Variants in DTWD2 observed in about 807,000 individuals in gnomAD.
DTWD2 encodes DTW motif tRNA-uridine aminocarboxypropyltransferase 2, also known as tRNA-uridine aminocarboxypropyltransferase 2.
In DTWD2, 39 loss-of-function variants were observed where a neutral mutation model predicts 31.8. The observed-to-expected ratio is 1.22, with a 90% CI of 0.95 to 1.60. The LOEUF is 1.60. Among genes scored for constraint, DTWD2 ranks in the 40% most tolerant of loss-of-function variants. DTWD2 has a pLI of 0.00. For missense variants in DTWD2, 515 were observed against 381.5 expected, an observed-to-expected ratio of 1.35 and a Z score of -2.92; for synonymous variants, 180 against 142.8, an observed-to-expected ratio of 1.26 and a Z score of -1.86.
chr5:118,929,588 G>C (rs1429258390), intron 3 of DTWD2, among the ~76,000 whole-genome samples: 1 of 151,450 alleles, frequency 6.6e-6, no homozygotes, highest in African/African-American at 2.4e-5. Flanking sequence ...TTCACAAATT[G>C]TTCATTGCTC....
intron 4 of DTWD2, among the ~76,000 whole-genome samples, chr5:118,891,824 T>C (rs1039802932): frequency 6.6e-6 from 1 of 152,174 alleles, no homozygotes; most frequent in African/African-American, 2.4e-5. Context: ...AAGAAACTAC[T>C]AGTGACTGAA....
Position 118,964,883 on chromosome 5 carries a change from A to G in DTWD2, c.219-20234T>C, listed in dbSNP as rs373884923. Among the ~76,000 whole-genome samples the G allele has an allele frequency of 4.0e-5, 6 of 151,880 alleles. No homozygotes were observed. The East Asian group carries it at 9.8e-4, about 25-fold the overall frequency. Reference sequence around the variant, plus strand: ...CCACCCCGTCTGGGAAGTGAGGAGCATCTCTGCCTGGCCGCCCATCGTCTG... The same window carrying G: ...CCACCCCGTCTGGGAAGTGAGGAGCGTCTCTGCCTGGCCGCCCATCGTCTG... On this transcript the variant is annotated intron_variant, in intron 1 of 5. Transcript: ENST00000510708.
chr5:118,885,938 C>A (rs1301788474), intron 4 of DTWD2, among the ~76,000 whole-genome samples: 1 of 152,032 alleles, frequency 6.6e-6, no homozygotes, highest in Non-Finnish European at 1.5e-5. Flanking sequence ...ACACCCCAGC[C>A]TAGGTAACAG....
At chr5:118,917,203 C>T (rs1753597492) in intron 4 of DTWD2, among the ~76,000 whole-genome samples, 1 of 152,138 alleles carries the variant, frequency 6.6e-6, no homozygotes, top group Non-Finnish European at 1.5e-5. Context: ...TATTACCAGA[C>T]AATGACAGTG....
At chr5:118,969,993 C>T (rs898767017) in intron 1 of DTWD2, among the ~76,000 whole-genome samples, 2 of 152,092 alleles carry the variant, frequency 1.3e-5, no homozygotes, top group African/African-American at 4.8e-5. Flanking sequence ...ACATAAATGA[C>T]CTGATGGAGC....
intron 2 of DTWD2, among the ~76,000 whole-genome samples, chr5:118,941,653 C>G (rs1229488664): frequency 6.6e-6 from 1 of 152,158 alleles, no homozygotes; most frequent in Non-Finnish European, 1.5e-5. Flanking sequence ...GTGCATGTGT[C>G]TTTATAGCAG....
intron 4 of DTWD2, 146 bp from the exon 5 acceptor site, chr5:118,848,364 C>A: frequency 1.5e-6 from 1 of 665,836 alleles, no homozygotes; most frequent in Non-Finnish European, 2.4e-6. Context: ...GTATAACATC[C>A]TTTTGTTGCA....
chr5:118,949,431 G>A lies in DTWD2; in HGVS notation c.219-4782C>T, dbSNP rs535631419. ...GGAGGGAGGTATTGAGGACAAGAGT[G>A]TACGGGTTGGGCACTACAGGGTGGA... On this transcript the variant is annotated intron_variant, in intron 1 of 5. Transcript: ENST00000510708. Among the ~76,000 whole-genome samples the A allele has an allele frequency of 8.5e-5, 13 of 152,272 alleles. No individual in the cohort carries two copies. In the East Asian group the frequency reaches 2.5e-3, roughly 29 times the overall value.
intron 3 of DTWD2, among the ~76,000 whole-genome samples, chr5:118,929,822 G>A (rs1034757746): frequency 6.6e-6 from 1 of 152,140 alleles, no homozygotes; most frequent in African/African-American, 2.4e-5. Flanking sequence ...CCCTTGTCCA[G>A]ATCTAGGAAA....
At chr5:118,957,612 T>G (rs572148284) in intron 1 of DTWD2, among the ~76,000 whole-genome samples, 2 of 152,138 alleles carry the variant, frequency 1.3e-5, no homozygotes, top group Admixed American at 1.3e-4. Flanking sequence ...ATATACACAT[T>G]TGTTTTTCTT....
intron 1 of DTWD2, among the ~76,000 whole-genome samples, chr5:118,986,795 G>A (rs540300812): frequency 6.6e-6 from 1 of 151,564 alleles, no homozygotes; most frequent in Non-Finnish European, 1.5e-5. Flanking sequence ...AATTTCACAA[G>A]AAATAAGCAA....
intron 4 of DTWD2, among the ~76,000 whole-genome samples, chr5:118,868,313 A>G (rs552135639): frequency 2.0e-5 from 3 of 152,166 alleles, no homozygotes; most frequent in Admixed American, 6.5e-5. Flanking sequence ...TAAAATTCTT[A>G]GAAAAAAAAT....
chr5:118,939,297 T>A lies in DTWD2; in HGVS notation c.310-7A>T, dbSNP rs1754126158. Reference sequence around the variant, plus strand: ...TACGCAACACTTTGTTTTCCTTTAATTAAAAAATGAATTGAAACATAGATT... The same window carrying A: ...TACGCAACACTTTGTTTTCCTTTAAATAAAAAATGAATTGAAACATAGATT... On this transcript the variant is annotated splice_polypyrimidine_tract_variant and splice_region_variant and intron_variant, in intron 2 of 5. Coordinates refer to ENST00000510708, the MANE Select transcript of DTWD2 (RefSeq NM_173666.4). 1.3e-6 allele frequency: 2 copies of A among 1,554,832 alleles called. No homozygotes were observed. The highest frequency in any genetic ancestry group is 1.7e-6 in the Non-Finnish European group (2 of 1,151,624).
At chr5:118,978,395 A>G (rs998150169) in intron 1 of DTWD2, among the ~76,000 whole-genome samples, 1 of 152,242 alleles carries the variant, frequency 6.6e-6, no homozygotes, top group Non-Finnish European at 1.5e-5. Context: ...ATTAAACTAA[A>G]GATCTCTGCA....
chr5:118,884,283 C>A (rs1752806752), intron 4 of DTWD2, among the ~76,000 whole-genome samples: 1 of 152,178 alleles, frequency 6.6e-6, no homozygotes, highest in Admixed American at 6.5e-5. Context: ...ATACTAAATT[C>A]TTCACTCCCA....
chr5:118,850,522 T>C (rs1580765187), intron 4 of DTWD2, among the ~76,000 whole-genome samples: 1 of 112,888 alleles, frequency 8.9e-6, no homozygotes. Flanking sequence ...TAATTCAAGA[T>C]GGATTAAAGA....
intron 1 of DTWD2, among the ~76,000 whole-genome samples, chr5:118,984,714 C>A (rs1161872422): frequency 6.6e-6 from 1 of 152,170 alleles, no homozygotes; most frequent in Non-Finnish European, 1.5e-5. Flanking sequence ...CCTGCTGTTT[C>A]TTCCCTTAAA....
chr5:118,867,805 T>G (rs981216323), intron 4 of DTWD2, among the ~76,000 whole-genome samples: 1 of 152,216 alleles, frequency 6.6e-6, no homozygotes, highest in East Asian at 1.9e-4. Context: ...CCCATGTTCA[T>G]GGGTTAAAAG....
intron 1 of DTWD2, among the ~76,000 whole-genome samples, chr5:118,958,797 T>C (rs1754646669): frequency 1.3e-5 from 2 of 152,176 alleles, no homozygotes; most frequent in South Asian, 4.1e-4. Flanking sequence ...AATGGTTCAA[T>C]ATACGCAAAT....
Sources: gnomAD v4.1 joint callset for allele counts (sites outside exome capture counted in the v4.1 genomes callset) on GRCh38, gnomAD v4.1.1 for gene constraint, MANE v1.5 for transcripts, NCBI Gene and HGNC (gene_info 2026-07-23, HGNC 2026-07-21) for gene names.